CNTN4: variants seen among roughly 807,000 people sequenced by gnomAD.
The protein encoded by CNTN4 is contactin-4.
CNTN4 carries 77 observed loss-of-function variants against 122.5 expected under a neutral mutation model. That is an observed-to-expected ratio of 0.63 (90% CI 0.52 to 0.76). CNTN4 has a LOEUF of 0.76. CNTN4 is among the 30% of genes least tolerant of loss of function. CNTN4 has a pLI of 0.00. For missense variants in CNTN4, 1,256 were observed against 1,259.1 expected (o/e 1.00, Z 0.04); for synonymous variants, 512 against 447.0 (o/e 1.15, Z -1.83).
At chr3:3,048,023 C>G (rs563484496) in intron 23 of CNTN4, among the ~76,000 whole-genome samples, 1 of 152,220 alleles carries the variant, frequency 6.6e-6, no homozygotes, top group African/African-American at 2.4e-5. Context: ...TCTTAATTTC[C>G]AGCTCAGTCA....
intron 4 of CNTN4, among the ~76,000 whole-genome samples, chr3:2,693,296 C>G (rs1015658898): frequency 1.3e-5 from 2 of 152,136 alleles, no homozygotes; most frequent in African/African-American, 4.8e-5. Flanking sequence ...CCAGATATAT[C>G]AAGATATAGA....
chr3:2,623,823 G>C (rs1379319601), intron 4 of CNTN4, among the ~76,000 whole-genome samples: 1 of 152,162 alleles, frequency 6.6e-6, no homozygotes, highest in Non-Finnish European at 1.5e-5. Flanking sequence ...CAGTCAAAAG[G>C]AAGTGAGTTT....
intron 14 of CNTN4, among the ~76,000 whole-genome samples, chr3:3,001,772 G>A (rs1350101681): frequency 6.6e-6 from 1 of 152,160 alleles, no homozygotes; most frequent in Non-Finnish European, 1.5e-5. Flanking sequence ...AATTGACCAT[G>A]ATGGGGATTT....
chr3:2,824,980 A>T (rs1027610639), intron 7 of CNTN4, among the ~76,000 whole-genome samples: 1 of 152,162 alleles, frequency 6.6e-6, no homozygotes, highest in Non-Finnish European at 1.5e-5. Flanking sequence ...ATAATTCAAA[A>T]TAAAATGTAG....
intron 2 of CNTN4, among the ~76,000 whole-genome samples, chr3:2,331,541 G>A (rs370447709): frequency 6.6e-6 from 1 of 152,236 alleles, no homozygotes; most frequent in African/African-American, 2.4e-5. Flanking sequence ...CACTGATTTA[G>A]AGCAATAGAA....
intron 12 of CNTN4, among the ~76,000 whole-genome samples, chr3:2,906,635 C>A (rs1009723327): frequency 6.6e-6 from 1 of 151,706 alleles, no homozygotes; most frequent in East Asian, 1.9e-4. Context: ...GTTGGGAGAT[C>A]GAGCCCAGCC....
chr3:2,563,206 C>T (rs1451173140), intron 3 of CNTN4, among the ~76,000 whole-genome samples: 1 of 152,138 alleles, frequency 6.6e-6, no homozygotes, highest in Admixed American at 6.5e-5. Flanking sequence ...TAGAAATATT[C>T]TACATCATGA....
intron 7 of CNTN4, among the ~76,000 whole-genome samples, chr3:2,850,361 C>T (rs1335318686): frequency 6.6e-6 from 1 of 152,216 alleles, no homozygotes; most frequent in African/African-American, 2.4e-5. Flanking sequence ...TTTCCACTTA[C>T]TTCCAGTTTC....
chr3:2,860,424 C>T (rs2093659692), intron 7 of CNTN4, among the ~76,000 whole-genome samples: 1 of 152,166 alleles, frequency 6.6e-6, no homozygotes, highest in Non-Finnish European at 1.5e-5. Flanking sequence ...TGTCTGAACC[C>T]TGGATGGTCC....
chr3:2,909,424 CTT>C (rs60307955), intron 12 of CNTN4, among the ~76,000 whole-genome samples: 1 of 143,200 alleles, frequency 7.0e-6, no homozygotes. Context: ...AAGGTTTGGG[CTT>C]TTTTTTTTTT....
At chr3:2,765,604 A>G (rs934044050) in intron 6 of CNTN4, among the ~76,000 whole-genome samples, 2 of 152,172 alleles carry the variant, frequency 1.3e-5, no homozygotes, top group African/African-American at 4.8e-5. Context: ...TCAATTAAAT[A>G]TGGGATAGCT....
intron 2 of CNTN4, among the ~76,000 whole-genome samples, chr3:2,298,263 C>T (rs753398609): frequency 2.0e-5 from 3 of 152,064 alleles, no homozygotes; most frequent in African/African-American, 4.8e-5. Flanking sequence ...TCTTGTCAGT[C>T]GAATTAAAAT....
rs138093272 is a variant in CNTN4 at position 2,776,968 on chromosome 3, T to TTTTTGTTTTG, written c.358+31291_358+31300dup. Among the ~76,000 whole-genome samples, 23 of 151,766 alleles carry TTTTTGTTTTG rather than the reference T, an allele frequency of 1.5e-4. 1 individual carries two copies. Among genetic ancestry groups the TTTTTGTTTTG allele is most frequent in the Non-Finnish European group, 2.1e-4 (14 of 67,940 alleles). ...TATTCCAGGAGAGACACCATGCATC[T>TTTTTGTTTTG]TTTTGTTTTGTTTTGTTTTGTTTTG... On this transcript the variant is annotated intron_variant, in intron 6 of 24. Transcript: ENST00000418658.
Position 2,768,821 on chromosome 3 carries a change from G to A in CNTN4, c.358+23124G>A, listed in dbSNP as rs540202719. The stretch of plus-strand genomic sequence containing the variant: ...GTTTTATCTTTTAGTCTTTACAAAG[G>A]CCTGTGAGGTATGATTTATCATCAT... On this transcript the variant is annotated intron_variant, in intron 6 of 24. Transcript: ENST00000418658. 3.9e-5 allele frequency among the ~76,000 whole-genome samples: 6 copies of A among 152,036 alleles called. No homozygotes were observed. In the East Asian group the frequency reaches 1.2e-3, roughly 29 times the overall value.
chr3:2,668,190 C>A (rs1045464502), intron 4 of CNTN4, among the ~76,000 whole-genome samples: 1 of 152,130 alleles, frequency 6.6e-6, no homozygotes, highest in Non-Finnish European at 1.5e-5. Flanking sequence ...GGCAGTATGA[C>A]CATTTTCACA....
intron 5 of CNTN4, among the ~76,000 whole-genome samples, chr3:2,738,895 ATTTAAC>A (rs2089296808): frequency 6.6e-6 from 1 of 152,108 alleles, no homozygotes; most frequent in African/African-American, 2.4e-5. Flanking sequence ...AAAAGAAAAT[ATTTAAC>A]TGTATTAATA....
chr3:2,115,679 G>C (rs895345655), intron 2 of CNTN4, among the ~76,000 whole-genome samples: 9 of 152,156 alleles, frequency 5.9e-5, no homozygotes, highest in South Asian at 2.1e-4. Flanking sequence ...CTCTCTATTG[G>C]TTTTCAAGTT....
intron 10 of CNTN4, among the ~76,000 whole-genome samples, chr3:2,887,622 C>T (rs2093993700): frequency 6.6e-6 from 1 of 151,478 alleles, no homozygotes; most frequent in African/African-American, 2.4e-5. Flanking sequence ...GAGGCTTGTG[C>T]TAATCTTTTG....
At position 2,706,258 on chromosome 3, in the gene CNTN4, G is replaced by T. The variant is rs553953983; in HGVS notation, c.56-29957G>T. Among the ~76,000 whole-genome samples, 260 of 152,018 alleles carry T rather than the reference G, an allele frequency of 1.7e-3. 1 individual carries two copies. Among genetic ancestry groups the T allele is most frequent in the Non-Finnish European group, 2.4e-4 (16 of 67,972 alleles). The stretch of plus-strand genomic sequence containing the variant: ...GTATTTTGTGTTAATACATTCTGTG[G>T]TTTATGCCCAACACTATGATCAGTG... On this transcript the variant is annotated intron_variant, in intron 4 of 24. Coordinates refer to ENST00000418658, the MANE Select transcript of CNTN4 (RefSeq NM_175607.3).
Sources: allele counts gnomAD v4.1 joint callset (sites outside exome capture counted in the v4.1 genomes callset), GRCh38; gene constraint gnomAD v4.1.1; transcripts MANE v1.5; gene names NCBI Gene and HGNC (gene_info 2026-07-23, HGNC 2026-07-21).